Variants in TNFRSF1A observed in about 807,000 individuals in gnomAD.
TNFRSF1A encodes TNF receptor superfamily member 1A.
Under a neutral mutation model 41.6 loss-of-function variants are expected in TNFRSF1A, and 9 were observed. The ratio of observed to expected loss-of-function variants is 0.22; its 90% CI spans 0.13 to 0.38. TNFRSF1A has a LOEUF of 0.38. Among genes scored for constraint, TNFRSF1A ranks in the 10% least tolerant of loss-of-function variants. The pLI is 1.00. For synonymous variants in TNFRSF1A, 254 were observed against 248.6 expected (o/e 1.02, Z -0.21); for missense variants, 463 against 591.5 (o/e 0.78, Z 2.25).
Position 6,329,799 on chromosome 12 carries a change from G to A in TNFRSF1A, c.1036C>T (p.His346Tyr). The A allele has an allele frequency of 6.2e-7, 1 of 1,602,252 alleles. No homozygotes were observed. Among genetic ancestry groups the A allele is most frequent in the South Asian group, 1.1e-5 (1 of 89,634 alleles). Residue 346 changes from histidine to tyrosine, a missense_variant, in exon 9 of 10, where the codon CAC becomes TAC. By Grantham distance (83) the His-to-Tyr change is moderately conservative. Coordinates refer to ENST00000162749, the MANE Select transcript of TNFRSF1A (RefSeq NM_001065.4). The stretch of plus-strand genomic sequence containing the variant: ...TCACTGTCTAGGCTCTGTGGCTTGT[G>A]GGCGCTGTCCTCCCACTTCTGAAGG... ...NPLQKWEDSA[H>Y]KPQSLDTDDP... is the part of the protein sequence containing the mutation.
Position 6,333,294 on chromosome 12 carries a change from A to G in TNFRSF1A, c.472+73T>C. The G allele has an allele frequency of 6.3e-7, 1 of 1,578,824 alleles. No individual in the cohort carries two copies. The highest frequency in any genetic ancestry group is 8.6e-7 in the Non-Finnish European group (1 of 1,158,192). On this transcript the variant is annotated intron_variant, in intron 4 of 9. Coordinates refer to ENST00000162749, the MANE Select transcript of TNFRSF1A (RefSeq NM_001065.4). This position sits in a 1 kb window ranked among gnomAD's most constrained non-coding sequence, Gnocchi z 6.3. ...GAATACAGGAGGGGGAAGGAAAGGA[A>G]GTGCCACCGCATGGGGAAGGGGCCA...
intron 1 of TNFRSF1A, among the ~76,000 whole-genome samples, chr12:6,339,066 C>A (rs754266651): frequency 5.9e-5 from 9 of 152,190 alleles, no homozygotes; most frequent in Admixed American, 2.0e-4. Flanking sequence ...CTCCCCCACT[C>A]CCTCTAATTC....
intron 5 of TNFRSF1A, chr12:6,331,145 TG>T: frequency 3.3e-6 from 2 of 599,490 alleles, no homozygotes; most frequent in Admixed American, 5.0e-5. Flanking sequence ...GTGTAGAAAA[TG>T]TGAAAAGCAG....
chr12:6,336,502 C>G (rs1266989423), intron 1 of TNFRSF1A, among the ~76,000 whole-genome samples: 1 of 152,116 alleles, frequency 6.6e-6, no homozygotes, highest in Non-Finnish European at 1.5e-5. Flanking sequence ...CCAAGTCCCT[C>G]CTTCCCATCC....
intron 1 of TNFRSF1A, among the ~76,000 whole-genome samples, chr12:6,336,512 C>T (rs1383288574): frequency 6.6e-6 from 1 of 152,136 alleles, no homozygotes; most frequent in African/African-American, 2.4e-5. Context: ...CCTTCCCATC[C>T]CCACTCAACC....
rs1948091686 is a variant in TNFRSF1A, at chr12:6,334,353, T to G, written c.40-109A>C. 2.0e-6 allele frequency: 2 copies of G among 977,270 alleles called. No homozygotes were observed. Among genetic ancestry groups the G allele is most frequent in the Admixed American group, 4.6e-5 (2 of 43,534 alleles). The allele number at this position is 977,270 out of a possible 1,614,324, so 60.5% of individuals were successfully genotyped here. A position where few individuals can be genotyped will look rare whatever the true frequency, so the allele number is the denominator to read the frequency against. ...GCTCAAGTCCTTCCTCAGTGAAACA[T>G]TCCGCCCAGGCCACGCCACTCACTA... On this transcript the variant is annotated intron_variant, in intron 1 of 9. Coordinates refer to ENST00000162749, the MANE Select transcript of TNFRSF1A (RefSeq NM_001065.4). The surrounding 1 kb of genome is among the most constrained non-coding windows in gnomAD (Gnocchi z 5.1).
chr12:6,329,706 C>T (rs1311657467), intron 9 of TNFRSF1A, 72 bp downstream of exon 9: 7 of 1,541,728 alleles, frequency 4.5e-6, no homozygotes, highest in Non-Finnish European at 4.4e-6. Flanking sequence ...TCGTGGTCCC[C>T]TCTGGGAGCG....
In TNFRSF1A at chr12:6,333,016, C is replaced by G; in HGVS notation, c.551+53G>C. The G allele has an allele frequency of 2.6e-6, 4 of 1,543,534 alleles. No homozygotes were observed. The highest frequency in any genetic ancestry group is 3.6e-6 in the Non-Finnish European group (4 of 1,116,720). ...CCAGCTAATGGTTCCCACCAGTCAC[C>G]CGTCCCAACCCATGCCACCATCCAG... On this transcript the variant is annotated intron_variant, in intron 5 of 9. Coordinates refer to ENST00000162749, the MANE Select transcript of TNFRSF1A (RefSeq NM_001065.4). The surrounding 1 kb of genome is among the most constrained non-coding windows in gnomAD (Gnocchi z 6.3).
At position 6,341,932 on chromosome 12, in the gene TNFRSF1A, A is replaced by G. The variant is rs568551051; in HGVS notation, c.-118T>C. On this transcript the variant is annotated 5_prime_UTR_variant, in exon 1 of 10. Coordinates refer to ENST00000162749, the MANE Select transcript of TNFRSF1A (RefSeq NM_001065.4). This position sits in a 1 kb window ranked among gnomAD's most constrained non-coding sequence, Gnocchi z 4.6. ...GACGTCCCAAGTGCCTTGGGGTGAC[A>G]GTTGAGGGTTGAGACTCGGGCATAG... The G allele has an allele frequency of 9.1e-7, 1 of 1,102,458 alleles. No individual in the cohort carries two copies. The highest frequency in any genetic ancestry group is 1.5e-5 in the African/African-American group (1 of 65,036). 68.3% of individuals were successfully genotyped at this position (1,102,458 alleles called of 1,614,324 possible).
rs778734496 is a variant in TNFRSF1A at position 6,329,476 on chromosome 12, T to G, written c.1204A>C (p.Ser402Arg). ...CGCCGCCTCCAGGTCGCCAGCATGC[T>G]GTATTGCGCCTCGCGCAGGCAGCGC... is the stretch of plus-strand genomic sequence containing the variant. ...NGRCLREAQY[S>R]MLATWRRRTP... The change falls in exon 10 of 10, where the codon AGC becomes CGC. Residue 402 changes from serine (S) to arginine (R), a missense_variant. Ser to Arg is a moderately radical substitution (Grantham distance 110). This residue lies in a region of TNFRSF1A where 277 missense variants were observed against 288.8 expected (regional missense o/e 0.96). Coordinates refer to ENST00000162749, the MANE Select transcript of TNFRSF1A (RefSeq NM_001065.4). 6.3e-7 allele frequency: 1 copy of G among 1,593,318 alleles called. No homozygotes were observed. The highest frequency in any genetic ancestry group is 1.3e-5 in the African/African-American group (1 of 74,360).
chr12:6,333,881 CAG>C lies in TNFRSF1A; in HGVS notation c.194-18_194-17del, dbSNP rs104895267. 4.3e-4 allele frequency: 689 copies of C among 1,601,722 alleles called. 1 individual carries two copies. The highest frequency in any genetic ancestry group is 3.3e-4 in the Non-Finnish European group (386 of 1,173,540). ...AAGTAGGTTCCTGTGAATGGGGCCG[CAG>C]AGTTAGGCTGCGGGTGAGAACACAA... On this transcript the variant is annotated splice_polypyrimidine_tract_variant and intron_variant, in intron 2 of 9. Transcript: ENST00000162749. The surrounding 1 kb of genome is among the most constrained non-coding windows in gnomAD (Gnocchi z 6.3).
At position 6,330,303 on chromosome 12, in the gene TNFRSF1A, AAAAG is replaced by A. The variant is rs1170684221; in HGVS notation, c.740-12_740-9del. ...GTGTCGATTTCCCACAAACTGAGGA[AAAAG>A]AAAGAAAGCATCATAAATTTCACTT... On this transcript the variant is annotated splice_polypyrimidine_tract_variant and intron_variant, in intron 7 of 9. Coordinates refer to ENST00000162749, the MANE Select transcript of TNFRSF1A (RefSeq NM_001065.4). 1.2e-6 allele frequency: 2 copies of A among 1,613,338 alleles called. No homozygotes were observed. The highest frequency in any genetic ancestry group is 1.7e-6 in the Non-Finnish European group (2 of 1,179,300).
Position 6,329,584 on chromosome 12 carries a change from C to T in TNFRSF1A, c.1096G>A (p.Val366Met), listed in dbSNP as rs1948005604. Residue 366 changes from valine (V) to methionine (M), a missense_variant, in exon 10 of 10, where the codon GTG (valine) becomes ATG (methionine). Val to Met is a conservative substitution (Grantham distance 21). Around this residue, in one of 4 missense-constraint regions of TNFRSF1A, gnomAD observed 277 missense variants for 288.8 expected, o/e 0.96. Coordinates refer to ENST00000162749, the MANE Select transcript of TNFRSF1A (RefSeq NM_001065.4). ...AATTCCTTCCAGCGCAACGGGGGCA[C>T]GTTCTCCACCACGGCGTACAGCGTC... is the stretch of plus-strand genomic sequence containing the variant. ...PATLYAVVEN[V>M]PPLRWKEFVR... is the part of the protein sequence containing the mutation. The T allele has an allele frequency of 6.3e-7, 1 of 1,592,362 alleles. No homozygotes were observed.
intron 1 of TNFRSF1A, among the ~76,000 whole-genome samples, chr12:6,336,082 C>T (rs1185970816): frequency 6.6e-6 from 1 of 152,158 alleles, no homozygotes; most frequent in Non-Finnish European, 1.5e-5. Context: ...CCGAAGAAGC[C>T]ACTGGAGCAC....
chr12:6,338,290 C>G (rs1277113582), intron 1 of TNFRSF1A, among the ~76,000 whole-genome samples: 2 of 152,106 alleles, frequency 1.3e-5, no homozygotes, highest in Non-Finnish European at 2.9e-5. Flanking sequence ...CCCAGGGCCC[C>G]ATCCCTATCC....
Position 6,330,062 on chromosome 12 carries a change from T to A in TNFRSF1A, c.773A>T (p.Glu258Val), listed in dbSNP as rs1948021797. 1 of 1,611,800 alleles carries A rather than the reference T, an allele frequency of 6.2e-7. No individual in the cohort carries two copies. Among genetic ancestry groups the A allele is most frequent in the Non-Finnish European group, 8.5e-7 (1 of 1,179,842 alleles). The change falls in exon 9 of 10, where the codon GAG becomes GTG. Residue 258 changes from glutamate (E) to valine (V), a missense_variant. Glu to Val is a moderately radical substitution (Grantham distance 121). Coordinates refer to ENST00000162749, the MANE Select transcript of TNFRSF1A (RefSeq NM_001065.4). ...CGKSTPEKEG[E>V]LEGTTTKPLA... ...GGGCTTAGTAGTAGTTCCTTCAAGC[T>A]CCCCCTGAAAGAGAGAAGGTGGCGC...
At chr12:6,331,446 G>C (rs902037393) in intron 5 of TNFRSF1A, 3 of 213,316 alleles carry the variant, frequency 1.4e-5, no homozygotes, top group South Asian at 6.1e-5. Context: ...ACCTGACTTC[G>C]GGGAGTCGGG....
chr12:6,337,839 C>A lies in TNFRSF1A; in HGVS notation c.40-3595G>T, dbSNP rs547343581. On this transcript the variant is annotated intron_variant, in intron 1 of 9. Coordinates refer to ENST00000162749, the MANE Select transcript of TNFRSF1A (RefSeq NM_001065.4). This position sits in a 1 kb window ranked among gnomAD's most constrained non-coding sequence, Gnocchi z 4.6. ...TGTCCTCTCAGCTCCCAGAACCAGA[C>A]CTCCAGACTGGGAGCAGATAAATAT... Among the ~76,000 whole-genome samples the A allele has an allele frequency of 6.6e-6, 1 of 152,318 alleles. No homozygotes were observed. The highest frequency in any genetic ancestry group is 2.4e-5 in the African/African-American group (1 of 41,558).
At chr12:6,338,399 C>A (rs1948146558) in intron 1 of TNFRSF1A, among the ~76,000 whole-genome samples, 1 of 152,100 alleles carries the variant, frequency 6.6e-6, no homozygotes, top group Non-Finnish European at 1.5e-5. Flanking sequence ...TGGGTTATTG[C>A]AAGTGTCTTC....
Sources: allele counts gnomAD v4.1 joint callset (sites outside exome capture counted in the v4.1 genomes callset), GRCh38; gene constraint gnomAD v4.1.1; regional missense constraint gnomAD v4.1.1; non-coding constraint Gnocchi (gnomAD v3.1); transcripts MANE v1.5; gene names NCBI Gene and HGNC (gene_info 2026-07-23, HGNC 2026-07-21).